Variants in ABCA1 observed in about 807,000 individuals in gnomAD.
ABCA1 encodes the protein ATP binding cassette subfamily A member 1.
A neutral mutation model predicts 262.5 loss-of-function variants in ABCA1; 133 were observed. The observed-to-expected ratio is 0.51, with a 90% CI of 0.44 to 0.59. ABCA1 has a LOEUF of 0.59. Among genes scored for constraint, ABCA1 ranks in the 20% least tolerant of loss-of-function variants. The pLI is 0.00. For missense variants in ABCA1, 2,452 were observed against 2,777.5 expected (o/e 0.88, Z 2.63); for synonymous variants, 1,022 against 1,043.5 (o/e 0.98, Z 0.40).
chr9:104,832,358 A>T (rs1257869867), intron 12 of ABCA1, among the ~76,000 whole-genome samples: 4 of 152,228 alleles, frequency 2.6e-5, no homozygotes, highest in Non-Finnish European at 5.9e-5. Flanking sequence ...AGCTAGAGTT[A>T]ATTTACTAAA....
chr9:104,908,981 C>T (rs967861720), intron 1 of ABCA1, among the ~76,000 whole-genome samples: 5 of 152,174 alleles, frequency 3.3e-5, no homozygotes, highest in African/African-American at 1.2e-4. Context: ...GGAAGTCTTA[C>T]TGTGGTAAAT....
At chr9:104,857,474 T>C (rs975781698) in intron 7 of ABCA1, among the ~76,000 whole-genome samples, 1 of 152,136 alleles carries the variant, frequency 6.6e-6, no homozygotes, top group African/African-American at 2.4e-5. Context: ...TCACGTGATC[T>C]GCCCGCCGTG....
chr9:104,787,740 G>T, intron 46 of ABCA1, 180 bp downstream of exon 46: 2 of 767,118 alleles, frequency 2.6e-6, no homozygotes, highest in Non-Finnish European at 3.2e-6. Flanking sequence ...CTGCAGGCAT[G>T]GTACAGCCAC....
intron 49 of ABCA1, among the ~76,000 whole-genome samples, 157 bp downstream of exon 49, chr9:104,785,233 TTTCAGG>T (rs1828819770): frequency 1.3e-5 from 2 of 152,168 alleles, no homozygotes; most frequent in Admixed American, 6.6e-5. Context: ...TCATCTCCCT[TTTCAGG>T]TTCAGAGAGG....
At position 104,782,867 on chromosome 9, in the gene ABCA1, G is replaced by C. The variant is rs555192684; in HGVS notation, c.*1448C>G. The C allele has an allele frequency of 3.4e-5, 5 of 145,442 alleles. No individual in the cohort carries two copies. Among genetic ancestry groups the C allele is most frequent in the Non-Finnish European group, 6.0e-5 (4 of 66,608 alleles). 9.0% of individuals were successfully genotyped at this position (145,442 alleles called of 1,614,324 possible). ...TGCAATTAAAAAAAAAAAAAAAAAG[G>C]CTGCCCAGTATTGTTACAGTGGGCT... On this transcript the variant is annotated 3_prime_UTR_variant, in exon 50 of 50. Transcript: ENST00000374736.
chr9:104,921,791 T>C (rs1268900858), intron 1 of ABCA1, among the ~76,000 whole-genome samples: 1 of 152,174 alleles, frequency 6.6e-6, no homozygotes. Flanking sequence ...TGGGATGAAT[T>C]AAGGCCAGGG....
Position 104,865,681 on chromosome 9 carries a change from C to T in ABCA1, c.422-3881G>A, listed in dbSNP as rs145114530. On this transcript the variant is annotated intron_variant, in intron 5 of 49. Transcript: ENST00000374736. ...TGTGACTGTGAGAAAGTGACTTTAC[C>T]TCCCTGAGCACAAATTTTCTTACCA... Among the ~76,000 whole-genome samples, 321 of 152,168 alleles carry T rather than the reference C, an allele frequency of 2.1e-3. 2 individuals are homozygous for T. Among genetic ancestry groups the T allele is most frequent in the Non-Finnish European group, 3.5e-3 (240 of 68,022 alleles).
chr9:104,821,532 G>A (rs1199614405), intron 19 of ABCA1, 26 bp from the exon 20 acceptor site: 2 of 1,613,112 alleles, frequency 1.2e-6, no homozygotes, highest in African/African-American at 2.7e-5. Flanking sequence ...TAGAAGTACA[G>A]AAGTCAGGGT....
At chr9:104,866,162 T>G (rs746203546) in intron 5 of ABCA1, among the ~76,000 whole-genome samples, 1 of 152,144 alleles carries the variant, frequency 6.6e-6, no homozygotes, top group Non-Finnish European at 1.5e-5. Context: ...ACATAGTAGA[T>G]TCTCAACAAA....
intron 48 of ABCA1, among the ~76,000 whole-genome samples, chr9:104,786,037 T>C (rs187112404): frequency 2.8e-4 from 43 of 152,320 alleles, no homozygotes; most frequent in Admixed American, 7.8e-4. Flanking sequence ...ATTTCATCTA[T>C]AGCACAAAGC....
intron 2 of ABCA1, among the ~76,000 whole-genome samples, chr9:104,890,624 CAG>C (rs1839640341): frequency 6.7e-6 from 1 of 150,078 alleles, no homozygotes; most frequent in African/African-American, 2.5e-5. Context: ...TTTTTTGAGA[CAG>C]GGTCTTGCTC....
In ABCA1 at chr9:104,792,792, C is replaced by T; in HGVS notation, c.5751G>A (p.Leu1917=). 6.2e-7 allele frequency: 1 copy of T among 1,614,126 alleles called. No individual in the cohort carries two copies. The highest frequency in any genetic ancestry group is 8.5e-7 in the Non-Finnish European group (1 of 1,179,996). Residue 1917 remains leucine, a synonymous_variant, in exon 42 of 50, where the codon TTG becomes TTA. Transcript: ENST00000374736. ...GQNDILEIKE[L]TKIYRRKRKP... is the part of the protein sequence containing the mutation. Reference sequence around the variant, plus strand: ...GTAACCTGTACTCTCTCACCTTCGTCAACTCCTTGATTTCTAAGATGTCAT... The same window carrying T: ...GTAACCTGTACTCTCTCACCTTCGTTAACTCCTTGATTTCTAAGATGTCAT...
intron 17 of ABCA1, 104 bp downstream of exon 17, chr9:104,825,579 C>T (rs1402014977): frequency 1.6e-6 from 2 of 1,224,724 alleles, no homozygotes; most frequent in Non-Finnish European, 2.4e-6. Flanking sequence ...ATCTATAGCC[C>T]AAACCACTTC....
intron 24 of ABCA1, among the ~76,000 whole-genome samples, chr9:104,816,692 G>T (rs571148961): frequency 6.6e-6 from 1 of 152,106 alleles, no homozygotes; most frequent in Non-Finnish European, 1.5e-5. Flanking sequence ...TCAAAGTCTG[G>T]TGTCTATTGC....
At chr9:104,875,952 C>T (rs1481407571) in intron 5 of ABCA1, among the ~76,000 whole-genome samples, 1 of 152,178 alleles carries the variant, frequency 6.6e-6, no homozygotes, top group Non-Finnish European at 1.5e-5. Flanking sequence ...ATGATCTTTG[C>T]GGTCCCACAA....
chr9:104,850,578 C>G (rs1225193433), intron 7 of ABCA1, among the ~76,000 whole-genome samples: 1 of 152,196 alleles, frequency 6.6e-6, no homozygotes, highest in Non-Finnish European at 1.5e-5. Context: ...CATATCAGAT[C>G]TAACAGACAG....
chr9:104,817,268 C>T lies in ABCA1; in HGVS notation c.3535+64G>A. 1 of 1,613,482 alleles carries T rather than the reference C, an allele frequency of 6.2e-7. No individual in the cohort carries two copies. Among genetic ancestry groups the T allele is most frequent in the South Asian group, 1.1e-5 (1 of 91,012 alleles). On this transcript the variant is annotated intron_variant, in intron 24 of 49. Transcript: ENST00000374736. The surrounding 1 kb of genome is among the most constrained non-coding windows in gnomAD (Gnocchi z 4.7). ...AGCCTCTGCACCTCTCCTCCTCTGC[C>T]TCCACTCTGCCCAGCTGGGGGAAGC...
chr9:104,849,756 G>C (rs985019109), intron 7 of ABCA1, among the ~76,000 whole-genome samples: 8 of 152,126 alleles, frequency 5.3e-5, no homozygotes, highest in East Asian at 1.9e-4. Flanking sequence ...ATAAGCCAAA[G>C]ACTAGAAGCA....
rs768465306 is a variant in ABCA1, at chr9:104,878,966, G to T, written c.421+4073C>A. Among the ~76,000 whole-genome samples the T allele has an allele frequency of 6.7e-4, 102 of 151,954 alleles. 1 individual carries two copies. Among genetic ancestry groups the T allele is most frequent in the Non-Finnish European group, 9.9e-4 (67 of 68,016 alleles). On this transcript the variant is annotated intron_variant, in intron 5 of 49. Coordinates refer to ENST00000374736, the MANE Select transcript of ABCA1 (RefSeq NM_005502.4). ...ACTGATTACAATATAGGCCTGAGTGGTAGTGTCTACAGAATCAAGAATCAC... is the reference window on the plus strand; with the variant it reads ...ACTGATTACAATATAGGCCTGAGTGTTAGTGTCTACAGAATCAAGAATCAC...
Sources: allele counts gnomAD v4.1 joint callset (sites outside exome capture counted in the v4.1 genomes callset), GRCh38; gene constraint gnomAD v4.1.1; non-coding constraint Gnocchi (gnomAD v3.1); transcripts MANE v1.5; gene names NCBI Gene and HGNC (gene_info 2026-07-23, HGNC 2026-07-21).